Variants in MED13L observed in about 807,000 individuals in gnomAD.
MED13L encodes the protein mediator of RNA polymerase II transcription subunit 13-like.
Under a neutral mutation model 220.9 loss-of-function variants are expected in MED13L, and 7 were observed. The observed-to-expected ratio is 0.03, with a 90% CI of 0.02 to 0.06. The LOEUF is 0.06. MED13L is among the 10% of genes least tolerant of loss of function. The pLI is 1.00. For missense variants in MED13L, 1,965 were observed against 2,760.5 expected, an observed-to-expected ratio of 0.71 and a Z score of 6.46; for synonymous variants, 1,011 against 1,015.2, an observed-to-expected ratio of 1.00 and a Z score of 0.08.
intron 18 of MED13L, 105 bp from the exon 19 acceptor site, chr12:115,986,594 C>A: frequency 9.6e-7 from 1 of 1,038,054 alleles, no homozygotes. Context: ...TCTGAAATGT[C>A]ACTCCATGTT....
chr12:116,055,809 C>T (rs2603811), intron 4 of MED13L, among the ~76,000 whole-genome samples: 2 of 152,010 alleles, frequency 1.3e-5, no homozygotes, highest in South Asian at 2.1e-4. Flanking sequence ...GCACGAGAAT[C>T]GCTTGAACCC....
chr12:116,223,061 G>A (rs1482156576), intron 2 of MED13L, among the ~76,000 whole-genome samples: 1 of 152,180 alleles, frequency 6.6e-6, no homozygotes, highest in Non-Finnish European at 1.5e-5. Flanking sequence ...TTCTCAGAGA[G>A]AGCCTCAGCT....
Position 115,961,147 on chromosome 12 carries a change from A to G in MED13L, c.*119T>C. 7.8e-7 allele frequency: 1 copy of G among 1,281,486 alleles called. No homozygotes were observed. The highest frequency in any genetic ancestry group is 1.1e-6 in the Non-Finnish European group (1 of 887,948). 79.4% of individuals were successfully genotyped at this position (1,281,486 alleles called of 1,614,324 possible). A position where few individuals can be genotyped will look rare whatever the true frequency, so the allele number is the denominator to read the frequency against. The stretch of plus-strand genomic sequence containing the variant: ...GCCTGCTGAGAAGGAATCACAGTGC[A>G]GGACTGTGGAGAGTGGTCTGAAGAA... On this transcript the variant is annotated 3_prime_UTR_variant, in exon 31 of 31. Coordinates refer to ENST00000281928, the MANE Select transcript of MED13L (RefSeq NM_015335.5).
chr12:116,031,715 G>GA (rs1555251707), intron 4 of MED13L, among the ~76,000 whole-genome samples: 4 of 46,370 alleles, frequency 8.6e-5, no homozygotes, highest in African/African-American at 1.9e-4. Context: ...GAAAAGAAAA[G>GA]AAAAGAAAAG....
At chr12:116,174,260 C>G (rs1448378372) in intron 2 of MED13L, among the ~76,000 whole-genome samples, 1 of 152,152 alleles carries the variant, frequency 6.6e-6, no homozygotes, top group Non-Finnish European at 1.5e-5. Context: ...GAAGCCGTCA[C>G]ATAAGATGCA....
intron 4 of MED13L, among the ~76,000 whole-genome samples, chr12:116,054,213 A>AAAC (rs1868754974): frequency 1.1e-4 from 14 of 131,034 alleles, no homozygotes; most frequent in Non-Finnish European, 1.7e-4. Context: ...CACACACACA[A>AAAC]ACACACACAC....
At chr12:116,259,494 A>G (rs1019212270) in intron 1 of MED13L, among the ~76,000 whole-genome samples, 2 of 152,250 alleles carry the variant, frequency 1.3e-5, no homozygotes, top group Non-Finnish European at 2.9e-5. Flanking sequence ...AAATTAAAGA[A>G]TGATACACAT....
chr12:116,003,977 A>C (rs1331575136), intron 13 of MED13L, among the ~76,000 whole-genome samples: 1 of 152,202 alleles, frequency 6.6e-6, no homozygotes, highest in African/African-American at 2.4e-5. Context: ...AATTTGATTG[A>C]AAATGTCCAA....
intron 2 of MED13L, among the ~76,000 whole-genome samples, chr12:116,180,919 A>C (rs933092570): frequency 2.1e-5 from 3 of 143,842 alleles, no homozygotes; most frequent in Non-Finnish European, 3.0e-5. Flanking sequence ...AAAATGAGTT[A>C]TTTCTCTCTC....
intron 2 of MED13L, among the ~76,000 whole-genome samples, chr12:116,155,772 CTGT>C (rs533415522): frequency 2.6e-4 from 40 of 152,150 alleles, no homozygotes; most frequent in Admixed American, 1.0e-3. Context: ...CTATTCTTTG[CTGT>C]TGTTATTCAT....
At chr12:115,981,916 T>A (rs1877356760) in intron 22 of MED13L, 1 of 161,696 alleles carries the variant, frequency 6.2e-6, no homozygotes, top group African/African-American at 2.4e-5. Flanking sequence ...ATGACTATTT[T>A]TCTTTTATAC....
rs58366115 is a variant in MED13L, at chr12:116,124,123, C to CGAGAGAGAGAGAGAGAGAGAGAGAGAGA, written c.311-12639_311-12612dup. ...ACATCTGCAGAGAGAGAGAGAAAGACGAGAGAGAGAGAGAGAGAGAGAGAG... is the reference window on the plus strand; with the variant it reads ...ACATCTGCAGAGAGAGAGAGAAAGACGAGAGAGAGAGAGAGAGAGAGAGAGAGAGAGAGAGAGAGAGAGAGAGAGAGAG... On this transcript the variant is annotated intron_variant, in intron 2 of 30. Coordinates refer to ENST00000281928, the MANE Select transcript of MED13L (RefSeq NM_015335.5). Among the ~76,000 whole-genome samples, 279 of 133,356 alleles carry CGAGAGAGAGAGAGAGAGAGAGAGAGAGA rather than the reference C, an allele frequency of 2.1e-3. 2 individuals carry two copies. The highest frequency in any genetic ancestry group is 7.9e-3 in the South Asian group (30 of 3,790). 87.5% of individuals were successfully genotyped at this position (133,356 alleles called of 152,430 possible).
intron 4 of MED13L, among the ~76,000 whole-genome samples, chr12:116,083,404 GAAAAAAAAA>G (rs61301423): frequency 1.0e-4 from 8 of 79,376 alleles, no homozygotes; most frequent in African/African-American, 2.8e-4. Flanking sequence ...TGTCTCGAGG[GAAAAAAAAA>G]AAAAAAAAAA....
At chr12:116,007,795 G>A (rs1879149749) in intron 10 of MED13L, 159 bp from the exon 11 acceptor site, 1 of 669,570 alleles carries the variant, frequency 1.5e-6, no homozygotes, top group South Asian at 2.0e-5. Flanking sequence ...ACTTTGTCAA[G>A]AATATATGTT....
chr12:116,121,310 C>A (rs1203164647), intron 2 of MED13L, among the ~76,000 whole-genome samples: 2 of 152,094 alleles, frequency 1.3e-5, no homozygotes, highest in Non-Finnish European at 2.9e-5. Flanking sequence ...CTTCTTTCAA[C>A]TTCACCAAAC....
At chr12:116,014,034 T>C (rs146078853) in intron 8 of MED13L, among the ~76,000 whole-genome samples, 162 of 152,362 alleles carry the variant, frequency 1.1e-3, no homozygotes, top group African/African-American at 3.4e-3. Flanking sequence ...CCAATTATTC[T>C]AAAGGAAAGG....
chr12:116,233,407 T>C (rs1208953735), intron 2 of MED13L, among the ~76,000 whole-genome samples: 1 of 152,196 alleles, frequency 6.6e-6, no homozygotes, highest in Non-Finnish European at 1.5e-5. Context: ...ATCTTCCTAA[T>C]TATATCGCTT....
intron 1 of MED13L, among the ~76,000 whole-genome samples, chr12:116,270,371 T>G (rs1873200487): frequency 6.6e-6 from 1 of 152,100 alleles, no homozygotes; most frequent in South Asian, 2.1e-4. Context: ...CTCAATCTCC[T>G]GACCTCGTGA....
intron 1 of MED13L, among the ~76,000 whole-genome samples, chr12:116,252,006 A>G (rs1270420782): frequency 6.6e-6 from 1 of 152,080 alleles, no homozygotes; most frequent in Non-Finnish European, 1.5e-5. Context: ...AAAATCTAAA[A>G]TGTCTAGGCA....
Sources: allele counts gnomAD v4.1 joint callset (sites outside exome capture counted in the v4.1 genomes callset), GRCh38; gene constraint gnomAD v4.1.1; transcripts MANE v1.5; gene names NCBI Gene and HGNC (gene_info 2026-07-23, HGNC 2026-07-21).